CCSER1: variants seen among roughly 807,000 people sequenced by gnomAD.
The protein encoded by CCSER1 is coiled-coil serine rich protein 1, also known as serine-rich coiled-coil domain-containing protein 1.
CCSER1 carries 41 observed loss-of-function variants against 82.0 expected under a neutral mutation model. The observed-to-expected ratio is 0.50, with a 90% CI of 0.39 to 0.65. CCSER1 has a LOEUF of 0.65. Ranked by LOEUF, CCSER1 falls within the 30% of genes least tolerant of loss-of-function variation. The pLI is 0.00. For synonymous variants in CCSER1, 414 were observed against 383.9 expected, an observed-to-expected ratio of 1.08 and a Z score of -0.92; for missense variants, 1,119 against 1,064.2, an observed-to-expected ratio of 1.05 and a Z score of -0.72.
chr4:91,126,173 C>G (rs549948306), intron 10 of CCSER1, among the ~76,000 whole-genome samples: 1 of 151,816 alleles, frequency 6.6e-6, no homozygotes, highest in Admixed American at 6.6e-5. Flanking sequence ...ATTTATCATT[C>G]ATAAGTTTAG....
At chr4:90,923,847 A>G (rs899496805) in intron 9 of CCSER1, among the ~76,000 whole-genome samples, 3 of 152,240 alleles carry the variant, frequency 2.0e-5, no homozygotes, top group African/African-American at 7.2e-5. Context: ...AGACACTTAA[A>G]GGCAAAAACA....
At chr4:90,302,815 A>G (rs1441126488) in intron 1 of CCSER1, among the ~76,000 whole-genome samples, 1 of 151,778 alleles carries the variant, frequency 6.6e-6, no homozygotes, top group Non-Finnish European at 1.5e-5. Context: ...AAAACAAAAC[A>G]AAACAAAACA....
intron 6 of CCSER1, among the ~76,000 whole-genome samples, chr4:90,634,970 A>G (rs1725156716): frequency 6.6e-6 from 1 of 151,788 alleles, no homozygotes; most frequent in South Asian, 2.1e-4. Context: ...ACATTTCACC[A>G]CAGTCAGAAA....
intron 1 of CCSER1, among the ~76,000 whole-genome samples, chr4:90,251,599 T>C (rs1722393780): frequency 6.6e-6 from 1 of 151,852 alleles, no homozygotes; most frequent in Non-Finnish European, 1.5e-5. Context: ...TATGACCTTT[T>C]TATTATGTTG....
At chr4:90,733,002 A>G (rs1745025779) in intron 7 of CCSER1, among the ~76,000 whole-genome samples, 1 of 152,228 alleles carries the variant, frequency 6.6e-6, no homozygotes, top group African/African-American at 2.4e-5. Flanking sequence ...GGGAGTGCAG[A>G]TATCTCTTCA....
rs1010175333 is a variant in CCSER1, at chr4:90,941,850, A to G, written c.2172+18403A>G. 2.6e-5 allele frequency among the ~76,000 whole-genome samples: 4 copies of G among 152,150 alleles called. No individual in the cohort carries two copies. In the East Asian group the frequency reaches 5.8e-4, roughly 22 times the overall value. ...TGTCAATGAATAGATCGATGTATAT[A>G]TCCCTCATTGGGGGAAAGACAAGCT... is the stretch of plus-strand genomic sequence containing the variant. On this transcript the variant is annotated intron_variant, in intron 9 of 10. Transcript: ENST00000509176.
chr4:90,693,565 G>C (rs1204247138), intron 6 of CCSER1: 1 of 151,920 alleles, frequency 6.6e-6, no homozygotes, highest in African/African-American at 2.4e-5. Context: ...GGTGGAATAA[G>C]CTTGATGACC....
intron 5 of CCSER1, among the ~76,000 whole-genome samples, chr4:90,568,567 C>T (rs998152455): frequency 1.3e-5 from 2 of 152,164 alleles, no homozygotes; most frequent in African/African-American, 4.8e-5. Context: ...TAAAGTGAGT[C>T]TCTTTAGGCA....
At chr4:91,577,035 T>G (rs1422121092) in intron 10 of CCSER1, among the ~76,000 whole-genome samples, 1 of 152,054 alleles carries the variant, frequency 6.6e-6, no homozygotes, top group Non-Finnish European at 1.5e-5. Context: ...GTCATAATTT[T>G]GCTGCATGGA....
intron 1 of CCSER1, among the ~76,000 whole-genome samples, chr4:90,266,991 T>A (rs1725355497): frequency 6.6e-6 from 1 of 151,898 alleles, no homozygotes; most frequent in Non-Finnish European, 1.5e-5. Context: ...GTTTTGCATC[T>A]TAAGTAGCAG....
intron 1 of CCSER1, among the ~76,000 whole-genome samples, chr4:90,243,017 A>G (rs1720653348): frequency 6.6e-6 from 1 of 150,968 alleles, no homozygotes; most frequent in Non-Finnish European, 1.5e-5. Context: ...GAATTTAAAG[A>G]CTGAATATTC....
chr4:90,315,628 C>T (rs145446131), intron 3 of CCSER1, among the ~76,000 whole-genome samples: 2,512 of 152,124 alleles, frequency 0.017, 72 homozygotes, highest in African/African-American at 0.056. Flanking sequence ...CTCAGCCTCC[C>T]GAGTAGCTGG....
chr4:90,457,468 T>A (rs187767088), intron 4 of CCSER1, among the ~76,000 whole-genome samples: 2 of 152,152 alleles, frequency 1.3e-5, no homozygotes, highest in Non-Finnish European at 2.9e-5. Context: ...AACTGCAAGG[T>A]GAGCAAGGCA....
In CCSER1 at chr4:90,312,989, A is replaced by G. The variant is rs1561008675; in HGVS notation, c.1451A>G (p.Glu484Gly). 6.2e-7 allele frequency: 1 copy of G among 1,604,846 alleles called. No individual in the cohort carries two copies. The highest frequency in any genetic ancestry group is 8.5e-7 in the Non-Finnish European group (1 of 1,175,248). Residue 484 changes from glutamate (E) to glycine (G), a missense_variant, in exon 3 of 11, where the codon GAA (glutamate) becomes GGA (glycine). Physicochemically the swap from Glu to Gly is moderately conservative, Grantham distance 98. Transcript: ENST00000509176. Reference protein sequence around the residue: ...ILKPKDGNIEEVNSLRKQRAG... With the variant: ...ILKPKDGNIEGVNSLRKQRAG... ...AAACCGAAAGATGGAAATATAGAAG[A>G]AGTTAATAGTTTAAGAAAGCAAAGA...
At chr4:90,243,362 C>T (rs1720750123) in intron 1 of CCSER1, among the ~76,000 whole-genome samples, 1 of 152,054 alleles carries the variant, frequency 6.6e-6, no homozygotes, top group Admixed American at 6.6e-5. Context: ...AATTCTCCTG[C>T]TTCAGCCTCC....
intron 10 of CCSER1, among the ~76,000 whole-genome samples, chr4:91,090,117 A>G (rs1723797513): frequency 6.6e-6 from 1 of 152,202 alleles, no homozygotes; most frequent in South Asian, 2.1e-4. Context: ...GTGGGTCCAC[A>G]GTATTGTATA....
At chr4:90,772,321 C>A (rs984951530) in intron 7 of CCSER1, among the ~76,000 whole-genome samples, 3 of 152,064 alleles carry the variant, frequency 2.0e-5, no homozygotes, top group East Asian at 1.9e-4. Context: ...ATATGACAAA[C>A]TTCAGGTTAA....
rs932628032 is a variant in CCSER1, at chr4:91,028,997, C to T, written c.2173-56953C>T. 1.6e-4 allele frequency among the ~76,000 whole-genome samples: 25 copies of T among 152,052 alleles called. No homozygotes were observed. The South Asian group carries it at 1.7e-3, about 10-fold the overall frequency. On this transcript the variant is annotated intron_variant, in intron 9 of 10. Coordinates refer to ENST00000509176, the MANE Select transcript of CCSER1 (RefSeq NM_001145065.2). ...AATCTCCTCTAAAGACAGTCGTAGT[C>T]GTACAGTAATTCCACCATTAATTTT...
At chr4:90,419,771 C>A (rs76768394) in intron 4 of CCSER1, among the ~76,000 whole-genome samples, 2,709 of 151,938 alleles carry the variant, frequency 0.018, 48 homozygotes, top group African/African-American at 0.036. Context: ...AGATGGAGAG[C>A]TGTATAATTC....
Sources: gnomAD v4.1 joint callset for allele counts (sites outside exome capture counted in the v4.1 genomes callset) on GRCh38, gnomAD v4.1.1 for gene constraint, MANE v1.5 for transcripts, NCBI Gene and HGNC (gene_info 2026-07-23, HGNC 2026-07-21) for gene names.